Variants in PGAM5 observed in about 807,000 individuals in gnomAD.
PGAM5 encodes PGAM family member 5, mitochondrial serine/threonine protein phosphatase.
PGAM5 carries 25 observed loss-of-function variants against 30.6 expected under a neutral mutation model. The ratio of observed to expected loss-of-function variants is 0.82; its 90% CI spans 0.60 to 1.14. The LOEUF (loss-of-function observed/expected upper bound fraction) is 1.14, where lower values mean the gene tolerates loss of function less well. Among genes scored for constraint, PGAM5 ranks in the 50% most tolerant of loss-of-function variants. The probability of loss-of-function intolerance (pLI) is 0.00; values close to 1 mark genes in which losing one functional copy is unlikely to be tolerated. For missense variants in PGAM5, 384 were observed against 408.5 expected (o/e 0.94, Z 0.52); for synonymous variants, 201 against 179.1 (o/e 1.12, Z -0.98).
chr12:132,718,753 C>T lies in PGAM5; in HGVS notation c.719+633C>T, dbSNP rs139709500. 1.4e-3 allele frequency: 2,179 copies of T among 1,613,400 alleles called. 19 individuals are homozygous for T. The African/African-American group carries it at 0.023, about 17-fold the overall frequency. On this transcript the variant is annotated intron_variant, in intron 5 of 5. Transcript: ENST00000498926. ...CCACCTTCTGCCTCCGGCTGGATCC[C>T]ACTGGCAGCATCCCGCCGCTGTTGT...
intron 2 of PGAM5, among the ~76,000 whole-genome samples, chr12:132,716,279 G>A (rs986211007): frequency 2.0e-5 from 3 of 152,000 alleles, no homozygotes; most frequent in Non-Finnish European, 2.9e-5. Flanking sequence ...TAGAGACGGG[G>A]TTTCACCGTG....
chr12:132,715,118 C>T, intron 2 of PGAM5, 82 bp downstream of exon 2: 2 of 1,411,232 alleles, frequency 1.4e-6, no homozygotes, highest in Non-Finnish European at 1.9e-6. Flanking sequence ...GGTTATGTGA[C>T]TGGGTGCAGG....
chr12:132,718,797 T>C (rs1411581310), intron 5 of PGAM5: 2 of 1,613,634 alleles, frequency 1.2e-6, no homozygotes, highest in South Asian at 1.1e-5. Context: ...GATTTTGTGC[T>C]TCTGGGGTCC....
Position 132,714,966 on chromosome 12 carries a change from C to T in PGAM5, c.300C>T (p.Ile100=), listed in dbSNP as rs770818930. The change falls in exon 2 of 6, where the codon ATC becomes ATT. Residue 100 remains isoleucine (I), a synonymous_variant. Coordinates refer to ENST00000498926, the MANE Select transcript of PGAM5 (RefSeq NM_001170543.2). ...DHYKAKATRH[I]FLIRHSQYHV... ...ACAAAGCCAAGGCCACGCGGCACATCTTCCTCATCAGGCATTCCCAGTACC... is the reference window on the plus strand; with the variant it reads ...ACAAAGCCAAGGCCACGCGGCACATTTTCCTCATCAGGCATTCCCAGTACC... 1.9e-6 allele frequency: 3 copies of T among 1,613,458 alleles called. No individual in the cohort carries two copies. Among genetic ancestry groups the T allele is most frequent in the East Asian group, 2.2e-5 (1 of 44,892 alleles).
At chr12:132,713,355 C>T (rs1459217003) in intron 1 of PGAM5, among the ~76,000 whole-genome samples, 1 of 152,196 alleles carries the variant, frequency 6.6e-6, no homozygotes, top group Non-Finnish European at 1.5e-5. Flanking sequence ...CTTCTTGAGT[C>T]TCACCTGTCC....
Position 132,711,024 on chromosome 12 carries a change from G to GGC in PGAM5, c.154_155dup (p.Pro53GlyfsTer19). On this transcript the variant is annotated frameshift_variant, in exon 1 of 6. Coordinates refer to ENST00000498926, the MANE Select transcript of PGAM5 (RefSeq NM_001170543.2). LOFTEE classifies it high-confidence loss of function. ...GGCTGAGCCGCCGGCCTGGGCGGGG[G>GGC]GCGCGCGGCCGGGCCCCGGTGTCTG... The GGC allele has an allele frequency of 2.5e-6, 3 of 1,215,988 alleles. No homozygotes were observed. The highest frequency in any genetic ancestry group is 3.1e-6 in the Non-Finnish European group (3 of 978,190). 75.3% of individuals were successfully genotyped at this position (1,215,988 alleles called of 1,614,324 possible).
chr12:132,722,466 T>A lies in PGAM5; in HGVS notation c.*1638T>A, dbSNP rs1170404221. On this transcript the variant is annotated 3_prime_UTR_variant, in exon 6 of 6. Transcript: ENST00000498926. ...GGTTTCACCGTGTTGGCCAGGCTGG[T>A]CTCGAACTCCTGACCTCGTGATCTA... 1 of 151,652 alleles carries A rather than the reference T, an allele frequency of 6.6e-6. No homozygotes were observed. The highest frequency in any genetic ancestry group is 2.4e-5 in the African/African-American group (1 of 41,228). The allele number at this position is 151,652 out of a possible 1,614,324, so 9.4% of individuals were successfully genotyped here.
At chr12:132,719,085 G>A in intron 5 of PGAM5, 1 of 1,403,206 alleles carries the variant, frequency 7.1e-7, no homozygotes, top group Non-Finnish European at 9.3e-7. Context: ...GGCCCCTTGG[G>A]GGGCAGGGCC....
chr12:132,717,291 C>CGTGTTTGAGGGCGGAGGAGGGG lies in PGAM5; in HGVS notation c.371-141_371-140insAGGGCGGAGGAGGGGGTGTTTG, dbSNP rs1565999385. 1.3e-4 allele frequency: 108 copies of CGTGTTTGAGGGCGGAGGAGGGG among 830,202 alleles called. 2 individuals are homozygous for CGTGTTTGAGGGCGGAGGAGGGG. In the African/African-American group the frequency reaches 2.6e-3, roughly 20 times the overall value. The allele number at this position is 830,202 out of a possible 1,614,324, so 51.4% of individuals were successfully genotyped here. A position where few individuals can be genotyped will look rare whatever the true frequency, so the allele number is the denominator to read the frequency against. On this transcript the variant is annotated intron_variant, in intron 2 of 5. Coordinates refer to ENST00000498926, the MANE Select transcript of PGAM5 (RefSeq NM_001170543.2). ...CTGAGCTTGCTGCCTGATCAGGGGT[C>CGTGTTTGAGGGCGGAGGAGGGG]GTGTTTGCGGGCGGAGGAGGGGGTG...
At position 132,717,975 on chromosome 12, in the gene PGAM5, C is replaced by T. The variant is rs760685562; in HGVS notation, c.586-12C>T. Reference sequence around the variant, plus strand: ...GCACTTCCGCACTGACGGCTCCTCACTCTGCCCCCAGCAGTATTACGAAGA... The same window carrying T: ...GCACTTCCGCACTGACGGCTCCTCATTCTGCCCCCAGCAGTATTACGAAGA... On this transcript the variant is annotated splice_polypyrimidine_tract_variant and intron_variant, in intron 4 of 5. Coordinates refer to ENST00000498926, the MANE Select transcript of PGAM5 (RefSeq NM_001170543.2). 1 of 1,612,590 alleles carries T rather than the reference C, an allele frequency of 6.2e-7. No homozygotes were observed. Among genetic ancestry groups the T allele is most frequent in the Admixed American group, 1.7e-5 (1 of 60,012 alleles).
At chr12:132,712,644 C>T (rs1425639658) in intron 1 of PGAM5, among the ~76,000 whole-genome samples, 6 of 151,812 alleles carry the variant, frequency 4.0e-5, no homozygotes, top group South Asian at 2.1e-4. Flanking sequence ...TTAGTAGAGA[C>T]GGGGTTTCTC....
chr12:132,711,201 G>T, intron 1 of PGAM5, 134 bp downstream of exon 1: 1 of 703,962 alleles, frequency 1.4e-6, no homozygotes, highest in Non-Finnish European at 1.9e-6. Flanking sequence ...TTTCCCCAGC[G>T]GAGGAGCCGC....
At position 132,711,067 on chromosome 12, in the gene PGAM5, G is replaced by A; in HGVS notation, c.191G>A (p.Arg64Lys). ...GPGVWDPNWDRREPLSLINVR... is the reference protein window; with the variant it reads ...GPGVWDPNWDKREPLSLINVR... ...GGTGTCTGGGACCCCAACTGGGACA[G>A]GTGCGCGCGGGGCTGTTTGGGGCCG... Residue 64 changes from arginine to lysine, a missense_variant and splice_region_variant, in exon 1 of 6, where the codon AGG (arginine) becomes AAG (lysine). Arg to Lys is a conservative substitution (Grantham distance 26). Transcript: ENST00000498926. 2 of 1,211,430 alleles carry A rather than the reference G, an allele frequency of 1.7e-6. No homozygotes were observed. The highest frequency in any genetic ancestry group is 2.1e-6 in the Non-Finnish European group (2 of 974,406). The allele number at this position is 1,211,430 out of a possible 1,614,324, so 75.0% of individuals were successfully genotyped here.
intron 1 of PGAM5, among the ~76,000 whole-genome samples, chr12:132,714,356 T>A (rs2043551557): frequency 6.6e-6 from 1 of 152,272 alleles, no homozygotes; most frequent in South Asian, 2.1e-4. Context: ...GAGGACATGA[T>A]GTTTTAATTT....
At position 132,717,744 on chromosome 12, in the gene PGAM5, A is replaced by AG; in HGVS notation, c.533dup (p.Ala179ArgfsTer69). On this transcript the variant is annotated frameshift_variant, in exon 4 of 6. Transcript: ENST00000498926. LOFTEE classifies it high-confidence loss of function. ...AAGTCAGCACAGATCTGCTGCGGGA[A>AG]GGCGCCCCCATCGAGCCAGACCCGC... 1.9e-6 allele frequency: 3 copies of AG among 1,584,104 alleles called. No individual in the cohort carries two copies. The highest frequency in any genetic ancestry group is 2.6e-6 in the Non-Finnish European group (3 of 1,165,690).
intron 5 of PGAM5, among the ~76,000 whole-genome samples, chr12:132,718,453 G>T (rs1342715003): frequency 1.2e-4 from 1 of 8,564 alleles, no homozygotes; most frequent in African/African-American, 7.2e-4. Context: ...TGGGTGGGGG[G>T]TCCTGGGTGG....
Position 132,711,248 on chromosome 12 carries a change from G to T in PGAM5, c.191+181G>T, listed in dbSNP as rs1409151625. The T allele has an allele frequency of 9.8e-6, 4 of 408,514 alleles. No individual in the cohort carries two copies. In the East Asian group the frequency reaches 2.0e-4, roughly 20 times the overall value. 25.3% of individuals were successfully genotyped at this position (408,514 alleles called of 1,614,324 possible). A position where few individuals can be genotyped will look rare whatever the true frequency, so the allele number is the denominator to read the frequency against. On this transcript the variant is annotated intron_variant, in intron 1 of 5. Coordinates refer to ENST00000498926, the MANE Select transcript of PGAM5 (RefSeq NM_001170543.2). ...GCTCTGCGCGGAGGGTTCCGGGGGCGGCTGACCCTTCCCGCCGGCTTCTGT... is the reference window on the plus strand; with the variant it reads ...GCTCTGCGCGGAGGGTTCCGGGGGCTGCTGACCCTTCCCGCCGGCTTCTGT...
At position 132,717,481 on chromosome 12, in the gene PGAM5, T is replaced by A. The variant is rs1360700875; in HGVS notation, c.413T>A (p.Leu138Ter). The stretch of plus-strand genomic sequence containing the variant: ...CTCACTGGGCTCCGCCTGGCAAGCT[T>A]GGGGTTGAAGTTTAATAAAATCGTC... ...AELTGLRLAS[L>*]GLKFNKIVHS... Residue 138 changes from leucine to a stop codon, truncating the protein, a stop_gained, in exon 3 of 6, where the codon TTG becomes TAG. Transcript: ENST00000498926. LOFTEE classifies it high-confidence loss of function. 1.2e-6 allele frequency: 2 copies of A among 1,610,030 alleles called. No individual in the cohort carries two copies. Among genetic ancestry groups the A allele is most frequent in the Non-Finnish European group, 1.7e-6 (2 of 1,179,832 alleles).
chr12:132,719,931 G>C (rs2043626094), intron 5 of PGAM5, among the ~76,000 whole-genome samples: 1 of 152,250 alleles, frequency 6.6e-6, no homozygotes, highest in Non-Finnish European at 1.5e-5. Flanking sequence ...CCCAGAAAGG[G>C]ACCTGTTGCA....
Sources: gnomAD v4.1 joint callset for allele counts (sites outside exome capture counted in the v4.1 genomes callset) on GRCh38, gnomAD v4.1.1 for gene constraint, MANE v1.5 for transcripts, NCBI Gene and HGNC (gene_info 2026-07-23, HGNC 2026-07-21) for gene names.